Variants in RORA observed in about 807,000 individuals in gnomAD.
RORA encodes the protein nuclear receptor ROR-alpha.
In RORA, 7 loss-of-function variants were observed where a neutral mutation model predicts 69.5. That is an observed-to-expected ratio of 0.10 (90% CI 0.06 to 0.19). The LOEUF (loss-of-function observed/expected upper bound fraction) is 0.19, where lower values mean the gene tolerates loss of function less well. Among genes scored for constraint, RORA ranks in the 10% least tolerant of loss-of-function variants. RORA has a pLI of 1.00. For synonymous variants in RORA, 261 were observed against 240.8 expected (o/e 1.08, Z -0.78); for missense variants, 457 against 663.0 (o/e 0.69, Z 3.41).
rs540907455 is a variant in RORA at position 60,733,446 on chromosome 15, T to G, written c.167-54760A>C. Among the ~76,000 whole-genome samples the G allele has an allele frequency of 2.6e-5, 4 of 152,244 alleles. No homozygotes were observed. The East Asian group carries it at 7.7e-4, about 29-fold the overall frequency. ...TGTCATGCCAGACTTCACTGAAGAGTGAGCAGTGTTACTGTGAGATACCAA... is the reference window on the plus strand; with the variant it reads ...TGTCATGCCAGACTTCACTGAAGAGGGAGCAGTGTTACTGTGAGATACCAA... On this transcript the variant is annotated intron_variant, in intron 1 of 10. Coordinates refer to ENST00000335670, the MANE Select transcript of RORA (RefSeq NM_134261.3).
At chr15:61,152,868 C>T (rs1021190066) in intron 1 of RORA, among the ~76,000 whole-genome samples, 25 of 152,188 alleles carry the variant, frequency 1.6e-4, no homozygotes, top group African/African-American at 6.0e-4. Flanking sequence ...CAGGTCTGGA[C>T]AAAGCACTGT....
At chr15:60,932,542 T>C (rs12440009) in intron 1 of RORA, among the ~76,000 whole-genome samples, 44,974 of 152,128 alleles carry the variant, frequency 0.3, 7,774 homozygotes, top group East Asian at 0.56. Context: ...AAATAATTTC[T>C]GTGCAACAGC....
At chr15:60,816,120 CAGTATATGTATTTAT>C (rs2072813254) in intron 1 of RORA, among the ~76,000 whole-genome samples, 1 of 129,456 alleles carries the variant, frequency 7.7e-6, no homozygotes, top group Non-Finnish European at 1.6e-5. Flanking sequence ...ATACTGTAAA[CAGTATATGTATTTAT>C]ATACTGTAAA....
intron 1 of RORA, among the ~76,000 whole-genome samples, chr15:61,099,098 G>T (rs2078840884): frequency 6.6e-6 from 1 of 152,156 alleles, no homozygotes; most frequent in East Asian, 1.9e-4. Flanking sequence ...AATATCTGTG[G>T]GGAAATTTTT....
chr15:60,790,970 C>A (rs1033455026), intron 1 of RORA, among the ~76,000 whole-genome samples: 1 of 152,124 alleles, frequency 6.6e-6, no homozygotes, highest in East Asian at 1.9e-4. Flanking sequence ...AACGCCCCCC[C>A]ATTGCCCCCC....
At chr15:60,730,904 TA>T (rs1159261296) in intron 1 of RORA, among the ~76,000 whole-genome samples, 1 of 152,318 alleles carries the variant, frequency 6.6e-6, no homozygotes, top group African/African-American at 2.4e-5. Flanking sequence ...TGTTTCTTTT[TA>T]AACATACTTT....
At chr15:61,028,975 G>T (rs961979268) in intron 1 of RORA, among the ~76,000 whole-genome samples, 1 of 152,028 alleles carries the variant, frequency 6.6e-6, no homozygotes, top group Admixed American at 6.5e-5. Flanking sequence ...GGTATGATGG[G>T]GAGTGAGTGC....
chr15:61,190,362 T>C (rs765280034), intron 1 of RORA, among the ~76,000 whole-genome samples: 4 of 152,212 alleles, frequency 2.6e-5, no homozygotes, highest in Admixed American at 6.5e-5. Context: ...TGATGTTGCA[T>C]AGAAACTAAA....
At chr15:61,140,048 C>A (rs1321920148) in intron 1 of RORA, among the ~76,000 whole-genome samples, 1 of 152,152 alleles carries the variant, frequency 6.6e-6, no homozygotes, top group Non-Finnish European at 1.5e-5. Context: ...ATAAATGTAA[C>A]CACTGGTGTG....
chr15:60,543,824 G>C (rs1253966979), intron 2 of RORA, among the ~76,000 whole-genome samples: 3 of 152,188 alleles, frequency 2.0e-5, no homozygotes, highest in Non-Finnish European at 4.4e-5. Flanking sequence ...ACTATCAGAA[G>C]AATGAAGGAT....
intron 1 of RORA, among the ~76,000 whole-genome samples, chr15:61,228,271 C>T (rs2080166484): frequency 6.6e-6 from 1 of 152,228 alleles, no homozygotes; most frequent in African/African-American, 2.4e-5. Context: ...CCGCCGCCCT[C>T]TGCGCGTTGG....
At chr15:60,516,961 A>C (rs1388931359) in intron 3 of RORA, among the ~76,000 whole-genome samples, 14 of 152,204 alleles carry the variant, frequency 9.2e-5, no homozygotes, top group Non-Finnish European at 1.3e-4. Context: ...AAGGAACTAA[A>C]GAGCTAAACA....
At chr15:61,111,630 T>A (rs958949186) in intron 1 of RORA, among the ~76,000 whole-genome samples, 2 of 152,212 alleles carry the variant, frequency 1.3e-5, no homozygotes, top group African/African-American at 4.8e-5. Context: ...CTCACCTATC[T>A]TATTTCTGAA....
intron 5 of RORA, among the ~76,000 whole-genome samples, chr15:60,506,350 A>G (rs748560010): frequency 6.6e-5 from 10 of 152,184 alleles, no homozygotes; most frequent in Non-Finnish European, 1.5e-4. Flanking sequence ...ATTACTTAGA[A>G]TGTGCTACAG....
chr15:60,601,286 G>C (rs1479362688), intron 2 of RORA, among the ~76,000 whole-genome samples: 1 of 152,100 alleles, frequency 6.6e-6, no homozygotes, highest in Non-Finnish European at 1.5e-5. Flanking sequence ...ATGAATTATT[G>C]CACAATGTAG....
rs1033433252 is a variant in RORA, at chr15:60,912,574, G to A, written c.167-233888C>T. Among the ~76,000 whole-genome samples, 7 of 152,130 alleles carry A rather than the reference G, an allele frequency of 4.6e-5. No individual in the cohort carries two copies. In the East Asian group the frequency reaches 1.2e-3, roughly 25 times the overall value. ...TCGACACCATCTTGGCTAACATGGCGAAACCCCATCTCTACTAAAAATACA... is the reference window on the plus strand; with the variant it reads ...TCGACACCATCTTGGCTAACATGGCAAAACCCCATCTCTACTAAAAATACA... On this transcript the variant is annotated intron_variant, in intron 1 of 10. Coordinates refer to ENST00000335670, the MANE Select transcript of RORA (RefSeq NM_134261.3).
At chr15:60,628,135 C>A (rs148776364) in intron 2 of RORA, among the ~76,000 whole-genome samples, 1 of 152,102 alleles carries the variant, frequency 6.6e-6, no homozygotes, top group African/African-American at 2.4e-5. Context: ...CTGATTATTT[C>A]GCTAGTTTTT....
At chr15:60,781,308 T>C (rs981855645) in intron 1 of RORA, among the ~76,000 whole-genome samples, 1 of 152,172 alleles carries the variant, frequency 6.6e-6, no homozygotes, top group Non-Finnish European at 1.5e-5. Context: ...TGAACTTGCA[T>C]GCTTTATGGT....
intron 1 of RORA, among the ~76,000 whole-genome samples, chr15:60,763,455 T>A (rs1236279493): frequency 2.6e-5 from 4 of 152,164 alleles, no homozygotes; most frequent in Admixed American, 6.5e-5. Flanking sequence ...TTAGAAAGTT[T>A]CCTTTTCAAA....
Sources: gnomAD v4.1 joint callset for allele counts (sites outside exome capture counted in the v4.1 genomes callset) on GRCh38, gnomAD v4.1.1 for gene constraint, MANE v1.5 for transcripts, NCBI Gene and HGNC (gene_info 2026-07-23, HGNC 2026-07-21) for gene names.